The following SYNPR variants were observed in gnomAD, a reference collection of about 807,000 sequenced individuals.
SYNPR encodes synaptoporin.
Under a neutral mutation model 32.9 loss-of-function variants are expected in SYNPR, and 23 were observed. The ratio of observed to expected loss-of-function variants is 0.70; its 90% confidence interval spans 0.50 to 0.99. SYNPR has a LOEUF of 0.99. Ranked by LOEUF, SYNPR falls within the 50% of genes least tolerant of loss-of-function variation. SYNPR has a pLI of 0.00. For missense variants in SYNPR, 318 were observed against 349.3 expected (o/e 0.91, Z 0.71); for synonymous variants, 146 against 135.9 (o/e 1.07, Z -0.52).
chr3:63,432,318 C>A (rs1489339671), intron 2 of SYNPR, among the ~76,000 whole-genome samples: 1 of 152,082 alleles, frequency 6.6e-6, no homozygotes, highest in Non-Finnish European at 1.5e-5. Context: ...GGAGAGGCAA[C>A]CCCAAGACAG....
intron 4 of SYNPR, among the ~76,000 whole-genome samples, chr3:63,557,022 G>C (rs2106828625): frequency 6.6e-6 from 1 of 152,224 alleles, no homozygotes; most frequent in East Asian, 1.9e-4. Flanking sequence ...GCTTGCTGTA[G>C]ATTTATTTAT....
intron 2 of SYNPR, among the ~76,000 whole-genome samples, chr3:63,291,498 C>G (rs1198270637): frequency 6.6e-6 from 1 of 152,114 alleles, no homozygotes; most frequent in Non-Finnish European, 1.5e-5. Context: ...CCTTTAATGT[C>G]CATCTACAGC....
At chr3:63,425,453 G>A (rs1699875441) in intron 2 of SYNPR, among the ~76,000 whole-genome samples, 1 of 152,176 alleles carries the variant, frequency 6.6e-6, no homozygotes, top group Non-Finnish European at 1.5e-5. Flanking sequence ...ATGATATGAA[G>A]GTGGTTTACA....
chr3:63,347,477 T>C (rs2087452156), intron 2 of SYNPR, among the ~76,000 whole-genome samples: 1 of 152,234 alleles, frequency 6.6e-6, no homozygotes, highest in Non-Finnish European at 1.5e-5. Flanking sequence ...CCAATCTTTG[T>C]TCTTTTAAAA....
chr3:63,288,997 T>C (rs1046810819), intron 2 of SYNPR, among the ~76,000 whole-genome samples: 1 of 152,184 alleles, frequency 6.6e-6, no homozygotes, highest in Non-Finnish European at 1.5e-5. Flanking sequence ...ATTGCATAAA[T>C]CAGGGTCCAT....
At chr3:63,528,346 A>G (rs570982359) in intron 3 of SYNPR, among the ~76,000 whole-genome samples, 4 of 152,330 alleles carry the variant, frequency 2.6e-5, no homozygotes, top group Non-Finnish European at 4.4e-5. Flanking sequence ...GTAACTCTGC[A>G]CTGTTAATAT....
At chr3:63,269,962 G>T (rs1203066207) in intron 3 of SYNPR, among the ~76,000 whole-genome samples, 2 of 152,150 alleles carry the variant, frequency 1.3e-5, no homozygotes, top group Non-Finnish European at 2.9e-5. Context: ...CATTAGGTAA[G>T]GCTTCTAAGA....
At chr3:63,491,365 T>A (rs1701254523) in intron 3 of SYNPR, among the ~76,000 whole-genome samples, 1 of 151,856 alleles carries the variant, frequency 6.6e-6, no homozygotes, top group South Asian at 2.1e-4. Context: ...CTTAAGGCAA[T>A]CTGAAGACGA....
At chr3:63,257,113 TGAG>T (rs1479097578) in intron 2 of SYNPR, among the ~76,000 whole-genome samples, 1 of 152,162 alleles carries the variant, frequency 6.6e-6, no homozygotes, top group African/African-American at 2.4e-5. Flanking sequence ...CTGAAAGTGA[TGAG>T]GAGAATGGAA....
At chr3:63,448,008 A>G (rs532953023) in intron 2 of SYNPR, among the ~76,000 whole-genome samples, 6 of 152,116 alleles carry the variant, frequency 3.9e-5, no homozygotes, top group African/African-American at 1.4e-4. Flanking sequence ...ATATTTATTT[A>G]TTTATTTATT....
chr3:63,443,359 C>A, intron 2 of SYNPR: 1 of 1,551,150 alleles, frequency 6.4e-7, no homozygotes, highest in Non-Finnish European at 8.7e-7. Flanking sequence ...GTGGCTGGTG[C>A]TGTGGACAGA....
chr3:63,553,237 A>C (rs963703467), intron 3 of SYNPR, among the ~76,000 whole-genome samples: 7 of 152,002 alleles, frequency 4.6e-5, no homozygotes, highest in African/African-American at 1.7e-4. Context: ...ATGGCCTCCA[A>C]CTCCATTCAT....
chr3:63,540,937 A>ACACACACACACACACC (rs1702290555), intron 3 of SYNPR, among the ~76,000 whole-genome samples: 1 of 146,274 alleles, frequency 6.8e-6, no homozygotes, highest in Non-Finnish European at 1.5e-5. Context: ...CCCAACACAC[A>ACACACACACACACACC]CACACACACA....
At chr3:63,329,765 A>G (rs2087205585) in intron 2 of SYNPR, among the ~76,000 whole-genome samples, 1 of 152,170 alleles carries the variant, frequency 6.6e-6, no homozygotes, top group African/African-American at 2.4e-5. Flanking sequence ...AAGCTAGAAT[A>G]GAGACTAATT....
chr3:63,423,274 T>C (rs924293085), intron 2 of SYNPR, among the ~76,000 whole-genome samples: 1 of 152,212 alleles, frequency 6.6e-6, no homozygotes, highest in African/African-American at 2.4e-5. Context: ...TTAGTGTTTG[T>C]TCATGCTGGT....
At chr3:63,512,759 G>A (rs1701721353) in intron 3 of SYNPR, among the ~76,000 whole-genome samples, 2 of 152,160 alleles carry the variant, frequency 1.3e-5, no homozygotes, top group African/African-American at 4.8e-5. Flanking sequence ...AGCCCTGCTT[G>A]ACACCTGTGT....
At chr3:63,217,869 G>C in the SYNPR span, among the ~76,000 whole-genome samples, 6 of 152,092 alleles carry the variant, frequency 3.9e-5, no homozygotes, top group Admixed American at 2.0e-4. Flanking sequence ...TTTAGTATTT[G>C]GGCCCACTTA....
rs934472533 is a variant in SYNPR at position 63,399,133 on chromosome 3, G to A, written c.85-81699G>A. On this transcript the variant is annotated intron_variant, in intron 2 of 5. Transcript: ENST00000478300. Reference sequence around the variant, plus strand: ...CATCAGGACCTATGGCTAGAATGAAGGAGATGCAAAATGTTGGACTTTGCA... The same window carrying A: ...CATCAGGACCTATGGCTAGAATGAAAGAGATGCAAAATGTTGGACTTTGCA... Among the ~76,000 whole-genome samples, 137 of 152,152 alleles carry A rather than the reference G, an allele frequency of 9.0e-4. 6 individuals are homozygous for A. The highest frequency in any genetic ancestry group is 2.9e-4 in the Non-Finnish European group (20 of 68,024).
At chr3:63,306,082 A>G (rs1490878952) in intron 2 of SYNPR, among the ~76,000 whole-genome samples, 2 of 151,992 alleles carry the variant, frequency 1.3e-5, no homozygotes, top group Non-Finnish European at 2.9e-5. Context: ...CATTAACCCG[A>G]GAGCCTTTGG....
Sources: allele counts gnomAD v4.1 joint callset (sites outside exome capture counted in the v4.1 genomes callset), GRCh38; gene constraint gnomAD v4.1.1; transcripts MANE v1.5; gene names NCBI Gene and HGNC (gene_info 2026-07-23, HGNC 2026-07-21).